The following CDYL2 variants were observed in gnomAD, a reference collection of about 807,000 sequenced individuals.
CDYL2 encodes the protein chromodomain Y like 2.
A neutral mutation model predicts 49.4 loss-of-function variants in CDYL2; 23 were observed. The ratio of observed to expected loss-of-function variants is 0.47; its 90% CI spans 0.34 to 0.66. The LOEUF is 0.66. Ranked by LOEUF, CDYL2 falls within the 30% of genes least tolerant of loss-of-function variation. The probability of loss-of-function intolerance (pLI) is 0.01; values close to 1 mark genes in which losing one functional copy is unlikely to be tolerated. For missense variants in CDYL2, 678 were observed against 656.4 expected, an observed-to-expected ratio of 1.03 and a Z score of -0.36; for synonymous variants, 360 against 268.8, an observed-to-expected ratio of 1.34 and a Z score of -3.32.
chr16:80,721,152 A>T (rs1904985731), intron 1 of CDYL2, among the ~76,000 whole-genome samples: 1 of 152,228 alleles, frequency 6.6e-6, no homozygotes, highest in African/African-American at 2.4e-5. Context: ...AGTGCTACTA[A>T]GAACAACCAA....
At chr16:80,707,955 T>C (rs760073414) in intron 1 of CDYL2, among the ~76,000 whole-genome samples, 15 of 152,130 alleles carry the variant, frequency 9.9e-5, no homozygotes, top group Non-Finnish European at 1.9e-4. Flanking sequence ...TAAGGGTAGA[T>C]CACCTTAAGT....
rs1906232309 is a variant in CDYL2, at chr16:80,604,332, T to A, written c.*56A>T. The A allele has an allele frequency of 6.2e-7, 1 of 1,600,114 alleles. No individual in the cohort carries two copies. The highest frequency in any genetic ancestry group is 8.6e-7 in the Non-Finnish European group (1 of 1,169,538). ...CTTGGCCGGGGCAGACACTGTGCTC[T>A]GGTTTCCGAAACACAGGGCAGAGCT... On this transcript the variant is annotated 3_prime_UTR_variant, in exon 7 of 7. Coordinates refer to ENST00000570137, the MANE Select transcript of CDYL2 (RefSeq NM_152342.4).
intron 1 of CDYL2, among the ~76,000 whole-genome samples, chr16:80,692,402 A>G (rs898982262): frequency 1.3e-5 from 2 of 152,216 alleles, no homozygotes; most frequent in African/African-American, 4.8e-5. Context: ...GTGGTCCTTC[A>G]GATGAGAACG....
At chr16:80,684,315 G>C (rs553495953) in intron 2 of CDYL2, among the ~76,000 whole-genome samples, 24 of 152,262 alleles carry the variant, frequency 1.6e-4, no homozygotes, top group African/African-American at 5.8e-4. Context: ...ACCTTGGCTG[G>C]AGCATCAGAG....
intron 2 of CDYL2, among the ~76,000 whole-genome samples, chr16:80,679,344 T>C (rs943489948): frequency 1.3e-5 from 2 of 152,188 alleles, no homozygotes; most frequent in African/African-American, 4.8e-5. Context: ...CAAGCACTCC[T>C]GACCCTCCCC....
chr16:80,623,769 C>G (rs893657825), intron 3 of CDYL2, among the ~76,000 whole-genome samples: 7 of 152,186 alleles, frequency 4.6e-5, no homozygotes, highest in Admixed American at 2.6e-4. Flanking sequence ...GACTAGGACT[C>G]AGGAAGTCAG....
chr16:80,676,248 A>T (rs1390107662), intron 2 of CDYL2, among the ~76,000 whole-genome samples: 1 of 152,220 alleles, frequency 6.6e-6, no homozygotes, highest in African/African-American at 2.4e-5. Context: ...ACAAAAGATT[A>T]AAAAACCCTC....
intron 1 of CDYL2, among the ~76,000 whole-genome samples, chr16:80,785,129 A>G (rs978690105): frequency 2.0e-5 from 3 of 152,194 alleles, no homozygotes; most frequent in Admixed American, 6.5e-5. Flanking sequence ...AGAAAGGGAC[A>G]TGTTCATAAA....
intron 1 of CDYL2, among the ~76,000 whole-genome samples, chr16:80,772,703 G>A (rs903757455): frequency 4.9e-4 from 74 of 152,010 alleles, no homozygotes; most frequent in African/African-American, 1.7e-3. Flanking sequence ...CACCCACCTC[G>A]GCCTCCCAAA....
chr16:80,686,690 T>C (rs527740725), intron 1 of CDYL2, among the ~76,000 whole-genome samples: 30 of 152,350 alleles, frequency 2.0e-4, no homozygotes, highest in African/African-American at 7.2e-4. Context: ...AGTGGGATTG[T>C]CTCATCAATG....
intron 2 of CDYL2, among the ~76,000 whole-genome samples, chr16:80,674,018 C>G (rs1376176486): frequency 6.6e-6 from 1 of 152,186 alleles, no homozygotes; most frequent in Non-Finnish European, 1.5e-5. Context: ...CCAGAAGGAG[C>G]ACAGCCCTGC....
chr16:80,688,962 C>G (rs535066713), intron 1 of CDYL2, among the ~76,000 whole-genome samples: 1 of 152,276 alleles, frequency 6.6e-6, no homozygotes, highest in African/African-American at 2.4e-5. Context: ...GCAGCTCTGT[C>G]TCTTGATGCT....
intron 2 of CDYL2, among the ~76,000 whole-genome samples, chr16:80,678,939 A>T (rs1298452741): frequency 6.6e-6 from 1 of 151,284 alleles, no homozygotes; most frequent in Admixed American, 6.6e-5. Flanking sequence ...GCCATAAAAA[A>T]TGATGAGTTC....
rs115458163 is a variant in CDYL2 at position 80,747,299 on chromosome 16, C to T, written c.24+56851G>A. 6.4e-3 allele frequency among the ~76,000 whole-genome samples: 973 copies of T among 152,154 alleles called. 17 individuals are homozygous for T. Among genetic ancestry groups the T allele is most frequent in the African/African-American group, 0.021 (888 of 41,502 alleles). On this transcript the variant is annotated intron_variant, in intron 1 of 6. Transcript: ENST00000570137. ...GAAGAGTCTGGGTTCAAATCCCAGC[C>T]TGGCAGTTTCTCGGGAGGGAGGCCT... is the stretch of plus-strand genomic sequence containing the variant.
intron 1 of CDYL2, among the ~76,000 whole-genome samples, chr16:80,758,331 A>C (rs1055451387): frequency 9.1e-6 from 1 of 110,314 alleles, no homozygotes. Flanking sequence ...TACAATAATA[A>C]ACAAAAGTAA....
intron 1 of CDYL2, among the ~76,000 whole-genome samples, chr16:80,728,721 G>A (rs544815903): frequency 2.0e-5 from 3 of 152,302 alleles, no homozygotes; most frequent in African/African-American, 7.2e-5. Context: ...CCCACAAAGG[G>A]AAGCCCATCA....
intron 1 of CDYL2, among the ~76,000 whole-genome samples, chr16:80,798,111 GC>G (rs1907821171): frequency 6.6e-6 from 1 of 152,174 alleles, no homozygotes; most frequent in Non-Finnish European, 1.5e-5. Context: ...TGTGATCTCA[GC>G]TAACTGCAAC....
chr16:80,739,072 C>A (rs79269570), intron 1 of CDYL2, among the ~76,000 whole-genome samples: 2,596 of 152,264 alleles, frequency 0.017, 22 homozygotes, highest in African/African-American at 0.029. Context: ...TATAGTCAGC[C>A]TTTAAAGGGA....
At chr16:80,689,274 G>A (rs544360176) in intron 1 of CDYL2, among the ~76,000 whole-genome samples, 21 of 152,326 alleles carry the variant, frequency 1.4e-4, no homozygotes, top group African/African-American at 5.1e-4. Context: ...AAATGCTGAT[G>A]CTATTATTAC....
Sources: gnomAD v4.1 joint callset for allele counts (sites outside exome capture counted in the v4.1 genomes callset) on GRCh38, gnomAD v4.1.1 for gene constraint, MANE v1.5 for transcripts, NCBI Gene and HGNC (gene_info 2026-07-23, HGNC 2026-07-21) for gene names.